Variants in ATP11C observed in about 807,000 individuals in gnomAD.
ATP11C encodes ATPase phospholipid transporting 11C (ATP11C blood group), also known as phospholipid-transporting ATPase IG.
In ATP11C, 36 loss-of-function variants were observed where a neutral mutation model predicts 97.4. That is an observed-to-expected ratio of 0.37 (90% CI 0.28 to 0.49). The LOEUF (loss-of-function observed/expected upper bound fraction) is 0.49. ATP11C is among the 20% of genes least tolerant of loss of function. The pLI, the probability that ATP11C is intolerant of heterozygous loss-of-function variation, is 0.98. For synonymous variants in ATP11C, 275 were observed against 290.9 expected, an observed-to-expected ratio of 0.95 and a Z score of 0.56; for missense variants, 730 against 824.6, an observed-to-expected ratio of 0.89 and a Z score of 1.40.
At chrX:139,852,481 G>T (rs540373047) in intron 1 of ATP11C, among the ~76,000 whole-genome samples, 1 of 29,620 alleles carries the variant, frequency 3.4e-5, no homozygotes, top group Non-Finnish European at 6.6e-5. Context: ...GGGGGGGGGG[G>T]AACTGGCCAG....
chrX:139,793,437 A>G (rs2082733267), intron 12 of ATP11C, among the ~76,000 whole-genome samples: 1 of 109,078 alleles, frequency 9.2e-6, no homozygotes, highest in Admixed American at 1.0e-4. Context: ...TAAAAAAAGA[A>G]AAAAGATTTT....
chrX:139,735,008 C>T (rs2081414941), intron 28 of ATP11C, among the ~76,000 whole-genome samples: 1 of 111,303 alleles, frequency 9.0e-6, no homozygotes, highest in African/African-American at 3.3e-5. Context: ...TTAAAACAAG[C>T]CACATCACTG....
intron 29 of ATP11C, among the ~76,000 whole-genome samples, chrX:139,729,305 G>A (rs908228012): frequency 9.0e-6 from 1 of 111,295 alleles, no homozygotes; most frequent in African/African-American, 3.3e-5. Context: ...CTTGAAAACA[G>A]GAACATTTTA....
intron 1 of ATP11C, among the ~76,000 whole-genome samples, chrX:139,928,742 T>C (rs1433439524): frequency 3.6e-5 from 4 of 112,030 alleles, no homozygotes; most frequent in African/African-American, 1.3e-4. Context: ...TAAGGGCTTC[T>C]AGAATCAGAG....
chrX:139,854,318 A>C (rs11796014), intron 1 of ATP11C, among the ~76,000 whole-genome samples: 1,222 of 112,544 alleles, frequency 0.011, 10 homozygotes, highest in Non-Finnish European at 0.018. Context: ...CAACAAAAGT[A>C]AAGTTTGCTA....
At chrX:139,824,274 G>A (rs1391643969) in intron 2 of ATP11C, among the ~76,000 whole-genome samples, 1 of 110,681 alleles carries the variant, frequency 9.0e-6, no homozygotes, top group African/African-American at 3.3e-5. Flanking sequence ...CTAAAGAAGG[G>A]AATTTCCAAG....
intron 1 of ATP11C, among the ~76,000 whole-genome samples, chrX:139,889,067 C>A (rs182010439): frequency 6.3e-4 from 71 of 111,923 alleles, no homozygotes; most frequent in African/African-American, 1.9e-3. Flanking sequence ...CTTGGCCTCC[C>A]AAAGTGCTAG....
intron 6 of ATP11C, 118 bp from the exon 7 acceptor site, chrX:139,802,457 A>G (rs2082946962): frequency 5.0e-6 from 2 of 396,294 alleles, no homozygotes; most frequent in South Asian, 5.7e-5. Flanking sequence ...TTGGCAGAAT[A>G]AACAAATATT....
intron 1 of ATP11C, among the ~76,000 whole-genome samples, chrX:139,886,630 CAT>C (rs1361147554): frequency 2.1e-5 from 2 of 97,192 alleles, no homozygotes; most frequent in African/African-American, 7.5e-5. Flanking sequence ...CACCAAGAAA[CAT>C]GTGATACTGA....
intron 13 of ATP11C, 106 bp from the exon 14 acceptor site, chrX:139,788,449 T>C: frequency 1.4e-6 from 1 of 733,531 alleles, no homozygotes; most frequent in Non-Finnish European, 2.0e-6. Flanking sequence ...TTGTAACTTC[T>C]AACAAACTTA....
chrX:139,756,968 TAAA>T (rs756085784), intron 23 of ATP11C, among the ~76,000 whole-genome samples: 3 of 37,264 alleles, frequency 8.1e-5, no homozygotes, highest in African/African-American at 1.9e-4. Flanking sequence ...AACCTAAAAG[TAAA>T]AAAAAAAAAA....
chrX:139,801,101 C>T (rs550218877), intron 7 of ATP11C, among the ~76,000 whole-genome samples: 5 of 112,398 alleles, frequency 4.4e-5, no homozygotes, highest in African/African-American at 1.3e-4. Flanking sequence ...TAAGGAATAA[C>T]CTTCCCTGTC....
chrX:139,731,732 T>C lies in ATP11C; in HGVS notation c.3312A>G (p.Ala1104=). 1.7e-6 allele frequency: 2 copies of C among 1,193,494 alleles called. No homozygotes were observed. Among genetic ancestry groups the C allele is most frequent in the Non-Finnish European group, 2.3e-6 (2 of 883,146 alleles). The stretch of plus-strand genomic sequence containing the variant: ...AAGGTCTGGCGGATAATGAGTCAGA[T>C]GCCCTTCTACAGCTCAGATTTCTCT... The part of the protein sequence containing the change: ...SARRNLSCRR[A]SDSLSARPSV... The change falls in exon 29 of 30, where the codon GCA becomes GCG. Residue 1104 remains alanine (A), a synonymous_variant. Transcript: ENST00000682941.
chrX:139,745,451 C>T (rs1311772147), intron 25 of ATP11C, among the ~76,000 whole-genome samples: 1 of 111,792 alleles, frequency 8.9e-6, no homozygotes, highest in Non-Finnish European at 1.9e-5. Context: ...AGTCTGAAGT[C>T]CCAAGAACTC....
chrX:139,730,508 A>G (rs1285562912), intron 29 of ATP11C, among the ~76,000 whole-genome samples: 1 of 111,767 alleles, frequency 8.9e-6, no homozygotes, highest in Non-Finnish European at 1.9e-5. Flanking sequence ...GTGCAGATGT[A>G]GACTGCGATG....
intron 26 of ATP11C, among the ~76,000 whole-genome samples, chrX:139,743,243 T>C (rs1466911314): frequency 1.8e-5 from 2 of 110,356 alleles, no homozygotes; most frequent in Non-Finnish European, 3.8e-5. Flanking sequence ...AGCCTGTTTA[T>C]ATGCCACTTA....
chrX:139,810,512 C>T (rs2083148362), intron 5 of ATP11C, among the ~76,000 whole-genome samples: 1 of 111,723 alleles, frequency 9.0e-6, no homozygotes, highest in Admixed American at 9.5e-5. Flanking sequence ...ACATAACAAA[C>T]TTCTAAATAA....
At chrX:139,805,703 A>G (rs1267708456) in intron 5 of ATP11C, among the ~76,000 whole-genome samples, 2 of 112,061 alleles carry the variant, frequency 1.8e-5, no homozygotes, top group African/African-American at 6.5e-5. Flanking sequence ...AAGGGAGTCA[A>G]TATTTGGCAC....
intron 1 of ATP11C, among the ~76,000 whole-genome samples, chrX:139,906,379 T>C (rs2084975909): frequency 9.4e-6 from 1 of 106,340 alleles, no homozygotes; most frequent in South Asian, 4.3e-4. Context: ...GTTGCACCAT[T>C]GTACTCCAGC....
Sources: gnomAD v4.1 joint callset for allele counts (sites outside exome capture counted in the v4.1 genomes callset) on GRCh38, gnomAD v4.1.1 for gene constraint, MANE v1.5 for transcripts, NCBI Gene and HGNC (gene_info 2026-07-23, HGNC 2026-07-21) for gene names.